NRG1: variants seen among roughly 807,000 people sequenced by gnomAD.
NRG1 encodes pro-neuregulin-1, membrane-bound isoform.
In NRG1, 18 loss-of-function variants were observed where a neutral mutation model predicts 63.8. The observed-to-expected ratio is 0.28, with a 90% CI of 0.19 to 0.42. The LOEUF (loss-of-function observed/expected upper bound fraction) is 0.42. NRG1 is among the 10% of genes least tolerant of loss of function. NRG1 has a pLI of 1.00. For synonymous variants in NRG1, 302 were observed against 301.3 expected (o/e 1.00, Z -0.02); for missense variants, 762 against 814.7 (o/e 0.94, Z 0.79).
chr8:32,190,221 CT>C (rs1320892372), intron 1 of NRG1, among the ~76,000 whole-genome samples: 1 of 149,512 alleles, frequency 6.7e-6, no homozygotes, highest in South Asian at 2.1e-4. Flanking sequence ...TTTACTCTTT[CT>C]TTTTTAAAAA....
intron 1 of NRG1, among the ~76,000 whole-genome samples, chr8:31,983,704 G>C (rs1160283208): frequency 6.6e-6 from 1 of 152,046 alleles, no homozygotes; most frequent in Admixed American, 6.6e-5. Context: ...TTCAACTGAT[G>C]AGGGAAATAA....
At chr8:32,065,836 C>T (rs1824704331) in intron 1 of NRG1, among the ~76,000 whole-genome samples, 1 of 152,228 alleles carries the variant, frequency 6.6e-6, no homozygotes, top group Non-Finnish European at 1.5e-5. Context: ...TCCACATCCT[C>T]TCTGGCACCT....
intron 1 of NRG1, among the ~76,000 whole-genome samples, chr8:32,362,597 C>A (rs1205187190): frequency 6.6e-6 from 1 of 152,164 alleles, no homozygotes; most frequent in Non-Finnish European, 1.5e-5. Flanking sequence ...GATGAGACTA[C>A]TGAGACAATC....
intron 5 of NRG1, among the ~76,000 whole-genome samples, chr8:32,632,588 A>G (rs73590624): frequency 0.026 from 3,887 of 151,836 alleles, 70 homozygotes; most frequent in Middle Eastern, 0.086. Context: ...ACACAGTGAC[A>G]ATGTTCAGTG....
intron 5 of NRG1, among the ~76,000 whole-genome samples, chr8:32,672,061 T>A (rs867818458): frequency 6.6e-6 from 1 of 152,084 alleles, no homozygotes; most frequent in African/African-American, 2.4e-5. Context: ...CTTTTTTTTT[T>A]TTTGAGACAG....
At chr8:32,206,698 G>T (rs1353908768) in intron 1 of NRG1, among the ~76,000 whole-genome samples, 1 of 152,152 alleles carries the variant, frequency 6.6e-6, no homozygotes, top group African/African-American at 2.4e-5. Context: ...TGGATGTATT[G>T]TGTAATGGTG....
At position 31,753,244 on chromosome 8, in the gene NRG1, G is replaced by T. The variant is rs530270944; in HGVS notation, c.37+113813G>T. On this transcript the variant is annotated intron_variant, in intron 1 of 10. Transcript: ENST00000519301. The stretch of plus-strand genomic sequence containing the variant: ...TCATATTCTAATGAGCATTGTGAAT[G>T]ATCTCATTTCAGAGATAAAAATGTT... Among the ~76,000 whole-genome samples the T allele has an allele frequency of 1.1e-4, 16 of 151,928 alleles. No individual in the cohort carries two copies. In the South Asian group the frequency reaches 3.3e-3, roughly 32 times the overall value.
intron 1 of NRG1, among the ~76,000 whole-genome samples, chr8:31,923,166 GT>G (rs1418179287): frequency 1.3e-5 from 2 of 151,962 alleles, no homozygotes; most frequent in Non-Finnish European, 2.9e-5. Context: ...TTAAAAAACA[GT>G]TTTTTTCTAT....
At chr8:31,699,528 C>A (rs891221929) in intron 1 of NRG1, among the ~76,000 whole-genome samples, 6 of 152,154 alleles carry the variant, frequency 3.9e-5, no homozygotes, top group Non-Finnish European at 8.8e-5. Flanking sequence ...ACTCCCAATA[C>A]TCTGGCGATT....
At chr8:31,879,346 A>C (rs1232279207) in intron 1 of NRG1, among the ~76,000 whole-genome samples, 1 of 152,206 alleles carries the variant, frequency 6.6e-6, no homozygotes, top group African/African-American at 2.4e-5. Context: ...TAATCTGTTT[A>C]AGTCTTGTAA....
At chr8:32,147,346 G>A (rs867015546) in intron 1 of NRG1, among the ~76,000 whole-genome samples, 5 of 152,076 alleles carry the variant, frequency 3.3e-5, no homozygotes, top group Non-Finnish European at 7.4e-5. Context: ...TTTACAAATT[G>A]GAAACAATCT....
intron 8 of NRG1, among the ~76,000 whole-genome samples, chr8:32,755,646 A>G (rs1358371991): frequency 6.6e-6 from 1 of 152,194 alleles, no homozygotes; most frequent in Non-Finnish European, 1.5e-5. Context: ...CATGGGATAC[A>G]CTCACAAACA....
intron 1 of NRG1, among the ~76,000 whole-genome samples, chr8:31,923,236 G>T (rs1333840440): frequency 6.6e-6 from 1 of 151,886 alleles, no homozygotes; most frequent in Non-Finnish European, 1.5e-5. Flanking sequence ...AATTGTGTCA[G>T]ATTTTTTTCT....
intron 5 of NRG1, among the ~76,000 whole-genome samples, chr8:32,658,789 TGCAGGTTTAAAAG>T (rs1202936820): frequency 6.6e-6 from 1 of 152,218 alleles, no homozygotes; most frequent in African/African-American, 2.4e-5. Context: ...TCTGGTCTCC[TGCAGGTTTAAAAG>T]GCAAATTTTA....
chr8:31,783,608 AAAAAAAAAAAC>A (rs1305962144), intron 1 of NRG1, among the ~76,000 whole-genome samples: 1 of 151,590 alleles, frequency 6.6e-6, no homozygotes, highest in Non-Finnish European at 1.5e-5. Context: ...TCAGGCAAAA[AAAAAAAAAAAC>A]AAAAAACACA....
At chr8:31,923,788 G>A (rs1044727085) in intron 1 of NRG1, among the ~76,000 whole-genome samples, 1 of 151,910 alleles carries the variant, frequency 6.6e-6, no homozygotes, top group African/African-American at 2.4e-5. Context: ...GGTGAAGGCA[G>A]GGCCTTCAGT....
At chr8:31,857,781 C>T (rs548018707) in intron 1 of NRG1, among the ~76,000 whole-genome samples, 24 of 152,278 alleles carry the variant, frequency 1.6e-4, no homozygotes, top group African/African-American at 5.5e-4. Context: ...AAAGCAAATT[C>T]AAGCAATTTC....
chr8:31,658,986 G>A lies in NRG1; in HGVS notation c.37+19555G>A, dbSNP rs185999110. Among the ~76,000 whole-genome samples the A allele has an allele frequency of 4.6e-5, 7 of 152,264 alleles. No homozygotes were observed. In the East Asian group the frequency reaches 5.8e-4, roughly 13 times the overall value. ...GGTGCTGCTCCAGCTGTGGTTTGTC[G>A]GTCTGCAGTGTTGTACCACCCTGGT... On this transcript the variant is annotated intron_variant, in intron 1 of 10. Coordinates refer to the NRG1 transcript ENST00000519301.
chr8:32,758,124 A>T lies in NRG1; in HGVS notation c.922-1182A>T, dbSNP rs1830005166. ...AGAGCCCGCAGACCGTCAGATTATA[A>T]AGTGCCTTATTTCATCAAAGAGTAT... On this transcript the variant is annotated intron_variant, in intron 9 of 11. Coordinates refer to ENST00000356819, the Ensembl canonical transcript of NRG1. 3.9e-5 allele frequency among the ~76,000 whole-genome samples: 6 copies of T among 152,286 alleles called. No individual in the cohort carries two copies. In the South Asian group the frequency reaches 1.0e-3, roughly 26 times the overall value.
Sources: gnomAD v4.1 joint callset for allele counts (sites outside exome capture counted in the v4.1 genomes callset) on GRCh38, gnomAD v4.1.1 for gene constraint, MANE v1.5 for transcripts, NCBI Gene and HGNC (gene_info 2026-07-23, HGNC 2026-07-21) for gene names.